PCDH15: variants seen among roughly 807,000 people sequenced by gnomAD.
PCDH15 encodes protocadherin-15.
A neutral mutation model predicts 178.5 loss-of-function variants in PCDH15; 129 were observed. The ratio of observed to expected loss-of-function variants is 0.72; its 90% CI spans 0.63 to 0.84. PCDH15 has a LOEUF of 0.84. Among genes scored for constraint, PCDH15 ranks in the 40% least tolerant of loss-of-function variants. The pLI is 0.00. For synonymous variants in PCDH15, 800 were observed against 732.0 expected (o/e 1.09, Z -1.50); for missense variants, 2,230 against 2,099.9 (o/e 1.06, Z -1.21).
intron 1 of PCDH15, among the ~76,000 whole-genome samples, chr10:55,199,988 G>T (rs1016790350): frequency 4.6e-5 from 7 of 152,126 alleles, no homozygotes; most frequent in African/African-American, 1.7e-4. Flanking sequence ...AGCCTTCATG[G>T]AGAACCTCTA....
At chr10:54,683,394 A>G (rs1363655215) in intron 1 of PCDH15, among the ~76,000 whole-genome samples, 1 of 151,928 alleles carries the variant, frequency 6.6e-6, no homozygotes, top group African/African-American at 2.4e-5. Flanking sequence ...TTATTTCTCT[A>G]TTAATTTGAC....
At chr10:54,338,170 T>C (rs745776316) in intron 6 of PCDH15, among the ~76,000 whole-genome samples, 9 of 152,188 alleles carry the variant, frequency 5.9e-5, no homozygotes, top group Non-Finnish European at 1.3e-4. Flanking sequence ...ACAGCCTTGG[T>C]GTGAAAAGAC....
intron 1 of PCDH15, among the ~76,000 whole-genome samples, chr10:55,317,891 ATGAATTATGTT>A (rs1843768329): frequency 6.6e-6 from 1 of 152,218 alleles, no homozygotes; most frequent in Non-Finnish European, 1.5e-5. Context: ...GCAAGGTTAC[ATGAATTATGTT>A]TGGGTCTGCT....
intron 15 of PCDH15, among the ~76,000 whole-genome samples, chr10:54,106,490 A>G (rs1187073028): frequency 6.6e-6 from 1 of 152,218 alleles, no homozygotes; most frequent in Non-Finnish European, 1.5e-5. Flanking sequence ...CCTAAGGGAA[A>G]TGTTAACATA....
chr10:54,539,853 A>C (rs1327248961), intron 2 of PCDH15, among the ~76,000 whole-genome samples: 1 of 152,202 alleles, frequency 6.6e-6, no homozygotes, highest in African/African-American at 2.4e-5. Flanking sequence ...TAACAAGAAT[A>C]TCTCTCAAAA....
intron 2 of PCDH15, among the ~76,000 whole-genome samples, chr10:55,387,063 C>T (rs1294924287): frequency 6.6e-6 from 1 of 152,048 alleles, no homozygotes; most frequent in African/African-American, 2.4e-5. Flanking sequence ...TTCATTTTTA[C>T]ATAAACTTTT....
At chr10:54,125,046 C>CA (rs1424958652) in intron 15 of PCDH15, among the ~76,000 whole-genome samples, 1 of 151,886 alleles carries the variant, frequency 6.6e-6, no homozygotes, top group Non-Finnish European at 1.5e-5. Flanking sequence ...TGAAACTATT[C>CA]AAAAATGAGA....
chr10:53,982,735 G>A (rs7895155), intron 21 of PCDH15, among the ~76,000 whole-genome samples: 12,482 of 150,896 alleles, frequency 0.083, 1,443 homozygotes, highest in African/African-American at 0.26. Flanking sequence ...ACGAGTTAAT[G>A]GGTGCAGCAC....
At chr10:54,212,837 A>G (rs1214216413) in intron 10 of PCDH15, among the ~76,000 whole-genome samples, 1 of 152,152 alleles carries the variant, frequency 6.6e-6, no homozygotes, top group African/African-American at 2.4e-5. Flanking sequence ...TTTAGCGTAT[A>G]TAAAACTAAA....
chr10:55,338,919 C>T (rs1206878216), intron 2 of PCDH15, among the ~76,000 whole-genome samples: 1 of 151,880 alleles, frequency 6.6e-6, no homozygotes, highest in Non-Finnish European at 1.5e-5. Context: ...CATGTGAAAG[C>T]TAAAAATAAA....
intron 10 of PCDH15, among the ~76,000 whole-genome samples, chr10:54,200,141 G>A (rs980427771): frequency 6.6e-6 from 1 of 151,886 alleles, no homozygotes; most frequent in Non-Finnish European, 1.5e-5. Flanking sequence ...AACCTTTCAA[G>A]TAGATTCAAC....
chr10:55,191,196 A>G (rs944968510), intron 1 of PCDH15, among the ~76,000 whole-genome samples: 5 of 150,682 alleles, frequency 3.3e-5, no homozygotes, highest in Admixed American at 2.0e-4. Flanking sequence ...AATCTTTATT[A>G]TAGCTTAAGA....
rs71014499 is a variant in PCDH15 at position 55,519,736 on chromosome 10, C to CTT, written c.-156+107887_-156+107888dup. On this transcript the variant is annotated intron_variant, in intron 2 of 5. Coordinates refer to the PCDH15 transcript ENST00000613346. ...CCAAAATTTATTCCATTATGTGTAT[C>CTT]TTTTTTTTTACAATTTCCCAGTTGT... Among the ~76,000 whole-genome samples, 12 of 150,082 alleles carry CTT rather than the reference C, an allele frequency of 8.0e-5. No individual in the cohort carries two copies. In the South Asian group the frequency reaches 1.3e-3, roughly 16 times the overall value.
intron 2 of PCDH15, among the ~76,000 whole-genome samples, chr10:55,372,940 A>C (rs1845542412): frequency 6.6e-6 from 1 of 152,162 alleles, no homozygotes; most frequent in African/African-American, 2.4e-5. Flanking sequence ...TTGATAAATA[A>C]ATGCAGCTAA....
At chr10:54,712,298 A>G (rs11004463) in intron 1 of PCDH15, among the ~76,000 whole-genome samples, 18,418 of 151,806 alleles carry the variant, frequency 0.12, 1,226 homozygotes, top group African/African-American at 0.17. Context: ...TCCAAGTTCA[A>G]ACAAAGCATT....
intron 21 of PCDH15, among the ~76,000 whole-genome samples, chr10:53,984,781 A>G (rs79581510): frequency 1.1e-3 from 160 of 152,182 alleles, no homozygotes; most frequent in African/African-American, 3.7e-3. Context: ...CAATCTTTTT[A>G]ATACATTTAA....
chr10:55,551,427 T>C (rs1272552712), intron 2 of PCDH15, among the ~76,000 whole-genome samples: 2 of 151,894 alleles, frequency 1.3e-5, no homozygotes, highest in East Asian at 3.9e-4. Context: ...ATTACAATAT[T>C]CTTCAATAGC....
At chr10:55,596,889 G>C (rs1050849301) in intron 2 of PCDH15, among the ~76,000 whole-genome samples, 4 of 151,986 alleles carry the variant, frequency 2.6e-5, no homozygotes, top group Non-Finnish European at 5.9e-5. Flanking sequence ...CAAAAACAGA[G>C]GCAATAAAGG....
intron 1 of PCDH15, among the ~76,000 whole-genome samples, chr10:55,298,901 T>G (rs2132275740): frequency 6.6e-6 from 1 of 152,262 alleles, no homozygotes; most frequent in African/African-American, 2.4e-5. Context: ...TTATTTGAAA[T>G]ACATATCCAA....
Sources: gnomAD v4.1 joint callset for allele counts (sites outside exome capture counted in the v4.1 genomes callset) on GRCh38, gnomAD v4.1.1 for gene constraint, MANE v1.5 for transcripts, NCBI Gene and HGNC (gene_info 2026-07-23, HGNC 2026-07-21) for gene names.